ARL15: variants seen among roughly 807,000 people sequenced by gnomAD.
ARL15 encodes the protein ARF like GTPase 15.
A neutral mutation model predicts 25.2 loss-of-function variants in ARL15; 19 were observed. The ratio of observed to expected loss-of-function variants is 0.75; its 90% CI spans 0.53 to 1.10. The LOEUF (loss-of-function observed/expected upper bound fraction) is 1.10, where lower values mean the gene tolerates loss of function less well. Among genes scored for constraint, ARL15 ranks in the 50% least tolerant of loss-of-function variants. The probability of loss-of-function intolerance (pLI) is 0.00; values close to 1 mark genes in which losing one functional copy is unlikely to be tolerated. For missense variants in ARL15, 220 were observed against 246.0 expected (o/e 0.89, Z 0.71); for synonymous variants, 94 against 86.8 (o/e 1.08, Z -0.46).
At position 53,918,014 on chromosome 5, in the gene ARL15, C is replaced by T. The variant is rs1029238203; in HGVS notation, c.463-31301G>A. On this transcript the variant is annotated intron_variant, in intron 4 of 4. Transcript: ENST00000504924. ...GAATTTCCCATTCTTAGAAATCATA[C>T]GACATATGCAATAAGAACATATGGC... Among the ~76,000 whole-genome samples the T allele has an allele frequency of 3.6e-4, 55 of 152,132 alleles. 1 individual carries two copies. Among genetic ancestry groups the T allele is most frequent in the African/African-American group, 1.2e-3 (51 of 41,506 alleles).
chr5:53,919,691 A>C (rs977760685), intron 4 of ARL15, among the ~76,000 whole-genome samples: 3 of 151,922 alleles, frequency 2.0e-5, no homozygotes, highest in Admixed American at 6.6e-5. Context: ...CAGGGAGGGA[A>C]CAAGGGGAGG....
At position 54,277,676 on chromosome 5, in the gene ARL15, C is replaced by T. The variant is rs556962096; in HGVS notation, c.48+32756G>A. Among the ~76,000 whole-genome samples the T allele has an allele frequency of 2.5e-4, 38 of 151,986 alleles. No homozygotes were observed. In the South Asian group the frequency reaches 6.5e-3, roughly 26 times the overall value. On this transcript the variant is annotated intron_variant, in intron 1 of 4. Coordinates refer to ENST00000504924, the MANE Select transcript of ARL15 (RefSeq NM_019087.3). The stretch of plus-strand genomic sequence containing the variant: ...CTGAGGCAGGAGAATGGCGTGAACC[C>T]GGGAGGCAGAGCTTGCAGTGAGCCG...
chr5:54,080,873 C>T (rs950577371), intron 4 of ARL15, among the ~76,000 whole-genome samples: 3 of 152,150 alleles, frequency 2.0e-5, no homozygotes, highest in African/African-American at 7.2e-5. Flanking sequence ...CTTAGTTTTC[C>T]AGGAAGTCCA....
intron 4 of ARL15, among the ~76,000 whole-genome samples, chr5:54,068,412 T>C (rs1302194800): frequency 6.6e-6 from 1 of 152,202 alleles, no homozygotes; most frequent in African/African-American, 2.4e-5. Context: ...TATCCAACAT[T>C]TATGGAAAAT....
intron 4 of ARL15, among the ~76,000 whole-genome samples, chr5:54,025,208 A>G (rs945862345): frequency 6.6e-6 from 1 of 151,320 alleles, no homozygotes; most frequent in African/African-American, 2.4e-5. Flanking sequence ...CAAAAGCTTA[A>G]GTTTACCCTC....
rs373674882 is a variant in ARL15, at chr5:54,104,099, T to C, written c.462+9103A>G. ...GTCAGTGGCTCTTCCCGTTCCCCTC[T>C]TTCCATTCTTTTGAAGCAATATTGC... is the stretch of plus-strand genomic sequence containing the variant. On this transcript the variant is annotated intron_variant, in intron 4 of 4. Coordinates refer to ENST00000504924, the MANE Select transcript of ARL15 (RefSeq NM_019087.3). 5.5e-4 allele frequency among the ~76,000 whole-genome samples: 83 copies of C among 152,272 alleles called. No individual in the cohort carries two copies. In the South Asian group the frequency reaches 0.017, roughly 31 times the overall value.
At chr5:53,963,852 CACAG>C (rs1561167952) in intron 4 of ARL15, among the ~76,000 whole-genome samples, 8 of 149,956 alleles carry the variant, frequency 5.3e-5, no homozygotes, top group African/African-American at 1.7e-4. Context: ...CACACACATA[CACAG>C]AGTAACTTGA....
At chr5:53,910,686 T>C (rs1355530120) in intron 4 of ARL15, among the ~76,000 whole-genome samples, 2 of 127,796 alleles carry the variant, frequency 1.6e-5, no homozygotes, top group Non-Finnish European at 3.2e-5. Flanking sequence ...GAAAACGTCT[T>C]CTTAGAATTA....
chr5:53,895,733 A>C (rs1744850139), intron 4 of ARL15, among the ~76,000 whole-genome samples: 1 of 152,178 alleles, frequency 6.6e-6, no homozygotes, highest in Non-Finnish European at 1.5e-5. Flanking sequence ...GGTGCCTTTG[A>C]ATACTCTTTG....
At chr5:53,951,729 T>C in intron 4 of ARL15, 1 of 306,680 alleles carries the variant, frequency 3.3e-6, no homozygotes, top group Non-Finnish European at 6.4e-6. Context: ...AAAATTATAG[T>C]TTTTCCATGA....
intron 4 of ARL15, among the ~76,000 whole-genome samples, chr5:53,997,756 T>G (rs1477014439): frequency 6.6e-6 from 1 of 152,068 alleles, no homozygotes; most frequent in East Asian, 1.9e-4. Context: ...GTTTCTCTAA[T>G]TATGCTAAGT....
At chr5:53,992,389 AAC>A (rs1238731489) in intron 4 of ARL15, among the ~76,000 whole-genome samples, 2 of 152,182 alleles carry the variant, frequency 1.3e-5, no homozygotes, top group East Asian at 1.9e-4. Flanking sequence ...GTATACATAT[AAC>A]ACACACAGAG....
chr5:53,951,588 C>G (rs1191444101), intron 4 of ARL15: 2 of 468,780 alleles, frequency 4.3e-6, no homozygotes, highest in Non-Finnish European at 8.8e-6. Flanking sequence ...CACAAGAATA[C>G]CTTCACATAA....
intron 4 of ARL15, among the ~76,000 whole-genome samples, chr5:54,075,303 AC>A (rs1389527449): frequency 6.6e-6 from 1 of 152,014 alleles, no homozygotes; most frequent in Non-Finnish European, 1.5e-5. Flanking sequence ...AAACTGATAT[AC>A]TTTCCCCAGG....
rs992592437 is a variant in ARL15 at position 54,097,779 on chromosome 5, T to C, written c.462+15423A>G. Reference sequence around the variant, plus strand: ...GCTTAAGGTGGAGGAAGGAAGAACTTTAAAACCTAATTTGGTTTGACCAAT... The same window carrying C: ...GCTTAAGGTGGAGGAAGGAAGAACTCTAAAACCTAATTTGGTTTGACCAAT... On this transcript the variant is annotated intron_variant, in intron 4 of 4. Coordinates refer to ENST00000504924, the MANE Select transcript of ARL15 (RefSeq NM_019087.3). Among the ~76,000 whole-genome samples the C allele has an allele frequency of 5.3e-5, 8 of 152,316 alleles. No homozygotes were observed. In the South Asian group the frequency reaches 1.7e-3, roughly 32 times the overall value.
At chr5:54,241,922 A>G (rs1409017636) in intron 1 of ARL15, among the ~76,000 whole-genome samples, 1 of 152,206 alleles carries the variant, frequency 6.6e-6, no homozygotes, top group Non-Finnish European at 1.5e-5. Flanking sequence ...GCTAATCTTA[A>G]TATCTAAGTC....
At chr5:53,995,972 G>A (rs1290235303) in intron 4 of ARL15, among the ~76,000 whole-genome samples, 1 of 152,186 alleles carries the variant, frequency 6.6e-6, no homozygotes, top group African/African-American at 2.4e-5. Flanking sequence ...GTGGTTGAGT[G>A]TTCCTTAATA....
intron 4 of ARL15, among the ~76,000 whole-genome samples, chr5:54,096,548 T>C (rs991475777): frequency 1.3e-4 from 20 of 152,100 alleles, no homozygotes; most frequent in Non-Finnish European, 2.2e-4. Context: ...GTAGCTGGAA[T>C]TACAGGCACC....
intron 4 of ARL15, among the ~76,000 whole-genome samples, chr5:54,062,998 T>C (rs1751114075): frequency 6.6e-6 from 1 of 152,218 alleles, no homozygotes; most frequent in African/African-American, 2.4e-5. Flanking sequence ...TATATTTAAA[T>C]TCCCCATTGT....
Sources: allele counts gnomAD v4.1 joint callset (sites outside exome capture counted in the v4.1 genomes callset), GRCh38; gene constraint gnomAD v4.1.1; transcripts MANE v1.5; gene names NCBI Gene and HGNC (gene_info 2026-07-23, HGNC 2026-07-21).